Variants in NHSL1 observed in about 807,000 individuals in gnomAD.
NHSL1 encodes NHS like 1.
In NHSL1, 48 loss-of-function variants were observed where a neutral mutation model predicts 95.0. That is an observed-to-expected ratio of 0.51 (90% CI 0.40 to 0.64). The LOEUF (loss-of-function observed/expected upper bound fraction) is 0.64, where lower values mean the gene tolerates loss of function less well. Ranked by LOEUF, NHSL1 falls within the 30% of genes least tolerant of loss-of-function variation. The probability of loss-of-function intolerance (pLI) is 0.00; values close to 1 mark genes in which losing one functional copy is unlikely to be tolerated. For missense variants in NHSL1, 1,971 were observed against 2,077.7 expected, an observed-to-expected ratio of 0.95 and a Z score of 1.00; for synonymous variants, 783 against 833.9, an observed-to-expected ratio of 0.94 and a Z score of 1.05.
At chr6:138,446,908 T>C in intron 4 of NHSL1, 93 bp downstream of exon 4, 2 of 1,155,758 alleles carry the variant, frequency 1.7e-6, no homozygotes, top group Admixed American at 2.1e-5. Flanking sequence ...CTATTCACCT[T>C]TGATGTAGCA....
At chr6:138,595,307 C>T (rs1784288893) in intron 1 of NHSL1, among the ~76,000 whole-genome samples, 1 of 152,322 alleles carries the variant, frequency 6.6e-6, no homozygotes, top group African/African-American at 2.4e-5. Flanking sequence ...GGTACAGTGG[C>T]TCATGCCCGT....
At chr6:138,677,516 C>T (rs1443761804) in intron 1 of NHSL1, among the ~76,000 whole-genome samples, 2 of 152,136 alleles carry the variant, frequency 1.3e-5, no homozygotes, top group Admixed American at 6.6e-5. Flanking sequence ...AAAGAACAAA[C>T]GGGTGCTTAA....
intron 1 of NHSL1, among the ~76,000 whole-genome samples, chr6:138,552,793 G>A (rs1783057364): frequency 6.6e-6 from 1 of 152,122 alleles, no homozygotes; most frequent in South Asian, 2.1e-4. Flanking sequence ...CTGAGCTCCA[G>A]TCTGTAACTC....
At chr6:138,453,840 C>A (rs1777400482) in intron 3 of NHSL1, among the ~76,000 whole-genome samples, 1 of 152,126 alleles carries the variant, frequency 6.6e-6, no homozygotes, top group Non-Finnish European at 1.5e-5. Context: ...AGCCACTGCA[C>A]CAGGCCCTAA....
Position 138,511,393 on chromosome 6 carries a change from A to G in NHSL1, c.17-15022T>C, listed in dbSNP as rs556405024. On this transcript the variant is annotated intron_variant, in intron 1 of 4. Transcript: ENST00000342260. ...TAGACAAAAAACCACTGAGAGAGAG[A>G]GAGAGAGTGTGTGTGTGTATGTGTG... Among the ~76,000 whole-genome samples the G allele has an allele frequency of 6.4e-3, 974 of 151,738 alleles. 9 individuals are homozygous for G. The highest frequency in any genetic ancestry group is 9.7e-3 in the Non-Finnish European group (659 of 67,824).
chr6:138,528,423 T>A (rs1355090943), intron 1 of NHSL1, among the ~76,000 whole-genome samples: 1 of 152,154 alleles, frequency 6.6e-6, no homozygotes. Context: ...GAGTGACGAT[T>A]TACCTGCCAA....
intron 1 of NHSL1, among the ~76,000 whole-genome samples, chr6:138,673,832 T>C (rs1396252644): frequency 6.6e-6 from 1 of 152,234 alleles, no homozygotes; most frequent in Admixed American, 6.5e-5. Context: ...AAACATGTAC[T>C]TTACCAAAAG....
At chr6:138,436,748 CTT>C (rs1776127344) in intron 5 of NHSL1, among the ~76,000 whole-genome samples, 2 of 152,148 alleles carry the variant, frequency 1.3e-5, no homozygotes, top group Non-Finnish European at 2.9e-5. Context: ...CAAATTGACT[CTT>C]GTTACAGCCA....
At chr6:138,509,546 CAAAAT>C (rs1781123641) in intron 1 of NHSL1, among the ~76,000 whole-genome samples, 1 of 152,094 alleles carries the variant, frequency 6.6e-6, no homozygotes, top group African/African-American at 2.4e-5. Context: ...GAGAAACTGA[CAAAAT>C]AAAGTAGAAG....
At chr6:138,589,862 C>G (rs1246690021) in intron 1 of NHSL1, among the ~76,000 whole-genome samples, 1 of 152,186 alleles carries the variant, frequency 6.6e-6, no homozygotes, top group East Asian at 1.9e-4. Flanking sequence ...TTCCTTGGCC[C>G]TTGCACCTTG....
Position 138,447,193 on chromosome 6 carries a change from A to G in NHSL1, c.340T>C (p.Cys114Arg), listed in dbSNP as rs1156861147. Reference sequence around the variant, plus strand: ...TCTTCTTCTGATGAAGACAGAGAACACTGCAGAGAAAAAAGAAGCAGCAGC... The same window carrying G: ...TCTTCTTCTGATGAAGACAGAGAACGCTGCAGAGAAAAAAGAAGCAGCAGC... ...QDEDEETDQK[C>R]SLSSSEEERF... is the part of the protein sequence containing the mutation. The change falls in exon 4 of 8, where the codon TGT (cysteine) becomes CGT (arginine). Residue 114 changes from cysteine (C) to arginine (R), a missense_variant and splice_region_variant. Around this residue, in one of 3 missense-constraint regions of NHSL1, gnomAD observed 1,602 missense variants for 1,654.5 expected, o/e 0.97. Transcript: ENST00000343505. The G allele has an allele frequency of 1.3e-6, 2 of 1,549,632 alleles. No homozygotes were observed. Among genetic ancestry groups the G allele is most frequent in the Non-Finnish European group, 1.7e-6 (2 of 1,146,456 alleles).
At chr6:138,533,107 G>A (rs1782203519) in intron 1 of NHSL1, among the ~76,000 whole-genome samples, 1 of 152,056 alleles carries the variant, frequency 6.6e-6, no homozygotes, top group Non-Finnish European at 1.5e-5. Flanking sequence ...AAAACACACA[G>A]TGACTTGATT....
intron 1 of NHSL1, among the ~76,000 whole-genome samples, chr6:138,567,645 ATTACT>A (rs760135721): frequency 6.6e-6 from 1 of 152,068 alleles, no homozygotes; most frequent in Non-Finnish European, 1.5e-5. Flanking sequence ...CTGGGATGAA[ATTACT>A]TTAAATAGAT....
At chr6:138,434,987 T>C (rs1352189722) in intron 5 of NHSL1, among the ~76,000 whole-genome samples, 1 of 152,196 alleles carries the variant, frequency 6.6e-6, no homozygotes, top group Non-Finnish European at 1.5e-5. Flanking sequence ...ATTTTTATAC[T>C]TGTATTTTTA....
chr6:138,544,454 A>C (rs142321559), intron 1 of NHSL1, among the ~76,000 whole-genome samples: 2 of 152,176 alleles, frequency 1.3e-5, no homozygotes, highest in Non-Finnish European at 2.9e-5. Context: ...AATTTCACCA[A>C]ATTTGCACCT....
At chr6:138,534,351 C>T (rs1782252898) in intron 1 of NHSL1, among the ~76,000 whole-genome samples, 1 of 152,052 alleles carries the variant, frequency 6.6e-6, no homozygotes, top group Non-Finnish European at 1.5e-5. Flanking sequence ...TACATGACGA[C>T]CCCACAAAAA....
intron 1 of NHSL1, among the ~76,000 whole-genome samples, chr6:138,648,826 A>AT (rs558043422): frequency 0.012 from 1,838 of 149,594 alleles, 21 homozygotes; most frequent in African/African-American, 0.04. Context: ...AGAGGCAAGA[A>AT]TTTTTTTTTT....
chr6:138,560,080 G>C (rs1783355743), intron 1 of NHSL1, among the ~76,000 whole-genome samples: 1 of 152,214 alleles, frequency 6.6e-6, no homozygotes, highest in Non-Finnish European at 1.5e-5. Flanking sequence ...ATGGATTCTA[G>C]AGAAAACTAG....
intron 1 of NHSL1, among the ~76,000 whole-genome samples, chr6:138,537,984 G>T (rs1056406892): frequency 2.0e-5 from 3 of 152,248 alleles, no homozygotes; most frequent in South Asian, 2.1e-4. Context: ...TCATCAACAC[G>T]CAATGAAATA....
Sources: gnomAD v4.1 joint callset for allele counts (sites outside exome capture counted in the v4.1 genomes callset) on GRCh38, gnomAD v4.1.1 for gene constraint, gnomAD v4.1.1 regional missense constraint, MANE v1.5 for transcripts, NCBI Gene and HGNC (gene_info 2026-07-23, HGNC 2026-07-21) for gene names.